TENM2: variants seen among roughly 807,000 people sequenced by gnomAD.
The protein encoded by TENM2 is teneurin transmembrane protein 2.
In TENM2, 52 loss-of-function variants were observed where a neutral mutation model predicts 245.2. The ratio of observed to expected loss-of-function variants is 0.21; its 90% confidence interval spans 0.17 to 0.27. The LOEUF is 0.27. Among genes scored for constraint, TENM2 ranks in the 10% least tolerant of loss-of-function variants. The probability of loss-of-function intolerance (pLI) is 1.00; values close to 1 mark genes in which losing one functional copy is unlikely to be tolerated. For synonymous variants in TENM2, 1,363 were observed against 1,438.9 expected, an observed-to-expected ratio of 0.95 and a Z score of 1.19; for missense variants, 3,046 against 3,666.8, an observed-to-expected ratio of 0.83 and a Z score of 4.37.
In TENM2 at chr5:168,244,555, A is replaced by T. The variant is rs201013497; in HGVS notation, c.5656A>T (p.Ser1886Cys). The T allele has an allele frequency of 1.7e-5, 28 of 1,612,440 alleles. No homozygotes were observed. The highest frequency in any genetic ancestry group is 1.7e-6 in the Non-Finnish European group (2 of 1,179,074). Residue 1886 changes from serine to cysteine, a missense_variant, in exon 26 of 29, where the codon AGC (serine) becomes TGC (cysteine). Physicochemically the swap from Ser to Cys is moderately radical, Grantham distance 112. Around this residue, in one of 2 missense-constraint regions of TENM2, gnomAD observed 2,704 missense variants for 3,331.9 expected, o/e 0.81. Coordinates refer to ENST00000518659, the Ensembl canonical transcript of TENM2. This position sits in a 1 kb window ranked among gnomAD's most constrained non-coding sequence, Gnocchi z 4.9. ...CCGCCCCTTCCTCTGGCTGCCCAGC[A>T]GCGGGCTGGCAGCTGTCAACGTGTC...
chr5:168,202,818 GT>G lies in TENM2; in HGVS notation c.3431-868del, dbSNP rs149118430. ...CCAAAGGTGACACACATAGTTAAGAGTTTAATGCAGTAGGAACAGCAATAAT... is the reference window on the plus strand; with the variant it reads ...CCAAAGGTGACACACATAGTTAAGAGTTAATGCAGTAGGAACAGCAATAAT... On this transcript the variant is annotated intron_variant, in intron 17 of 28. Coordinates refer to ENST00000518659, the Ensembl canonical transcript of TENM2. 7.9e-3 allele frequency among the ~76,000 whole-genome samples: 1,210 copies of G among 152,230 alleles called. 11 individuals are homozygous for G. Among genetic ancestry groups the G allele is most frequent in the Non-Finnish European group, 0.012 (798 of 68,024 alleles).
At chr5:167,593,052 T>A (rs73381002) in intron 2 of TENM2, among the ~76,000 whole-genome samples, 4,612 of 152,322 alleles carry the variant, frequency 0.03, 192 homozygotes, top group African/African-American at 0.091. Flanking sequence ...AGAAACTCTG[T>A]GATTCATTTA....
At chr5:167,751,098 A>G (rs939383933) in intron 2 of TENM2, among the ~76,000 whole-genome samples, 1 of 152,132 alleles carries the variant, frequency 6.6e-6, no homozygotes, top group Non-Finnish European at 1.5e-5. Context: ...TTGAAAGGAC[A>G]GGGTTGCCAG....
the TENM2 span, among the ~76,000 whole-genome samples, chr5:167,077,319 A>ATATAAATATATTAAATATATG: frequency 6.6e-6 from 1 of 152,038 alleles, no homozygotes; most frequent in Non-Finnish European, 1.5e-5. Flanking sequence ...TATGTCATAT[A>ATATAAATATATTAAATATATG]CCATTTTTAA....
intron 2 of TENM2, among the ~76,000 whole-genome samples, chr5:167,492,938 C>T (rs1201701203): frequency 1.3e-5 from 2 of 152,164 alleles, no homozygotes; most frequent in African/African-American, 4.8e-5. Context: ...TTAAGGATTT[C>T]CAAGCAGAAG....
chr5:167,304,019 G>A (rs1561848544), intron 1 of TENM2, among the ~76,000 whole-genome samples: 1 of 151,936 alleles, frequency 6.6e-6, no homozygotes, highest in South Asian at 2.1e-4. Flanking sequence ...AACAGTTTAA[G>A]TAGGCTTTTG....
intron 2 of TENM2, among the ~76,000 whole-genome samples, chr5:167,596,560 G>A (rs377391694): frequency 2.6e-5 from 4 of 152,158 alleles, no homozygotes; most frequent in Non-Finnish European, 5.9e-5. Context: ...TTGGGAGGCC[G>A]AGGCAGGCGG....
At chr5:167,210,589 G>C in the TENM2 span, among the ~76,000 whole-genome samples, 3 of 149,642 alleles carry the variant, frequency 2.0e-5, no homozygotes, top group African/African-American at 7.4e-5. Context: ...TCAGCCTCCC[G>C]AGTAGCTGGG....
chr5:167,305,775 T>C (rs1313145709), intron 1 of TENM2, among the ~76,000 whole-genome samples: 2 of 152,212 alleles, frequency 1.3e-5, no homozygotes, highest in Admixed American at 6.5e-5. Flanking sequence ...TTTTGTTTTG[T>C]TAATGATAAC....
chr5:167,737,364 T>TGGCTCTTTCGA (rs1760874917), intron 2 of TENM2, among the ~76,000 whole-genome samples: 1 of 152,166 alleles, frequency 6.6e-6, no homozygotes. Context: ...TACCAAGCAG[T>TGGCTCTTTCGA]GCCTGCTCGA....
At chr5:167,397,491 G>A (rs1419385246) in intron 2 of TENM2, among the ~76,000 whole-genome samples, 4 of 152,106 alleles carry the variant, frequency 2.6e-5, no homozygotes, top group East Asian at 1.9e-4. Context: ...GTTGCAAACC[G>A]AGCATTGAGT....
At chr5:167,565,732 G>A (rs1773866081) in intron 2 of TENM2, among the ~76,000 whole-genome samples, 1 of 152,182 alleles carries the variant, frequency 6.6e-6, no homozygotes, top group Non-Finnish European at 1.5e-5. Context: ...CTAATGCTAT[G>A]TGCTGAGATC....
At chr5:167,084,957 C>T in the TENM2 span, among the ~76,000 whole-genome samples, 1 of 152,128 alleles carries the variant, frequency 6.6e-6, no homozygotes. Context: ...GGCCCTAGTA[C>T]ATAATTTGCC....
chr5:167,876,527 C>T (rs1307908956), intron 3 of TENM2, among the ~76,000 whole-genome samples: 1 of 152,154 alleles, frequency 6.6e-6, no homozygotes, highest in Non-Finnish European at 1.5e-5. Flanking sequence ...TGGTTCTGGT[C>T]ATAGCTGAGT....
intron 2 of TENM2, among the ~76,000 whole-genome samples, chr5:167,843,485 G>T (rs928319422): frequency 6.6e-6 from 1 of 152,070 alleles, no homozygotes; most frequent in African/African-American, 2.4e-5. Flanking sequence ...GTCTATACTT[G>T]TCCAACTGTA....
intron 6 of TENM2, among the ~76,000 whole-genome samples, chr5:168,061,387 A>G (rs546499034): frequency 2.0e-5 from 3 of 152,300 alleles, no homozygotes; most frequent in African/African-American, 7.2e-5. Flanking sequence ...TAAGAACTCC[A>G]CTTTAAAAAT....
At chr5:167,748,583 C>T (rs1761743608) in intron 2 of TENM2, among the ~76,000 whole-genome samples, 1 of 144,148 alleles carries the variant, frequency 6.9e-6, no homozygotes, top group African/African-American at 2.4e-5. Context: ...AATCCATTTT[C>T]ACATTGCTAT....
At chr5:167,407,804 G>A (rs1366491841) in intron 2 of TENM2, among the ~76,000 whole-genome samples, 1 of 152,126 alleles carries the variant, frequency 6.6e-6, no homozygotes, top group Non-Finnish European at 1.5e-5. Flanking sequence ...GCAGCAGACT[G>A]AGACTCTGTC....
chr5:167,749,936 TG>T (rs1761847828), intron 2 of TENM2, among the ~76,000 whole-genome samples: 1 of 152,180 alleles, frequency 6.6e-6, no homozygotes, highest in Non-Finnish European at 1.5e-5. Flanking sequence ...GCTCAATCTC[TG>T]GCTACATTGC....
Sources: gnomAD v4.1 joint callset for allele counts (sites outside exome capture counted in the v4.1 genomes callset) on GRCh38, gnomAD v4.1.1 for gene constraint, gnomAD v4.1.1 regional missense constraint, Gnocchi (gnomAD v3.1) non-coding constraint, MANE v1.5 for transcripts, NCBI Gene and HGNC (gene_info 2026-07-23, HGNC 2026-07-21) for gene names.